ZPBP: variants seen among roughly 807,000 people sequenced by gnomAD.
ZPBP encodes the protein zona pellucida binding protein.
Under a neutral mutation model 44.8 loss-of-function variants are expected in ZPBP, and 26 were observed. The observed-to-expected ratio is 0.58, with a 90% CI of 0.43 to 0.81. ZPBP has a LOEUF of 0.81. Ranked by LOEUF, ZPBP falls within the 30% of genes least tolerant of loss-of-function variation. The pLI, the probability that ZPBP is intolerant of heterozygous loss-of-function variation, is 0.00. For missense variants in ZPBP, 409 were observed against 434.0 expected (o/e 0.94, Z 0.51); for synonymous variants, 174 against 153.2 (o/e 1.14, Z -1.00).
At chr7:50,021,081 T>C (rs768068634) in intron 5 of ZPBP, among the ~76,000 whole-genome samples, 7 of 152,018 alleles carry the variant, frequency 4.6e-5, no homozygotes, top group Non-Finnish European at 8.8e-5. Flanking sequence ...TCCATTACAA[T>C]ATTTTAAAAT....
rs182127700 is a variant in ZPBP, at chr7:49,899,863, T to C, written n.509+1255A>G. On this transcript the variant is annotated intron_variant and non_coding_transcript_variant, in intron 2 of 2. Transcript: ENST00000465922. ...ATTGACTACTTCATCAACAATAGCA[T>C]AATACACATTATTCTCAAGATGATA... Among the ~76,000 whole-genome samples, 39 of 152,064 alleles carry C rather than the reference T, an allele frequency of 2.6e-4. 1 individual carries two copies. Among genetic ancestry groups the C allele is most frequent in the Admixed American group, 2.2e-3 (33 of 15,266 alleles).
At chr7:49,896,282 A>G (rs1187755779) in intron 2 of ZPBP, among the ~76,000 whole-genome samples, 1 of 152,224 alleles carries the variant, frequency 6.6e-6, no homozygotes, top group African/African-American at 2.4e-5. Context: ...TGGAGGTTGC[A>G]GTGAGCTGAG....
At position 49,938,346 on chromosome 7, in the gene ZPBP, TGAG is replaced by T. The variant is rs574631916; in HGVS notation, c.962-727_962-725del. On this transcript the variant is annotated intron_variant, in intron 7 of 7. Transcript: ENST00000046087. ...TAATTCAGTTTGATCATCCCTAATA[TGAG>T]GATAATGAAATCATGAATTTGATTA... is the stretch of plus-strand genomic sequence containing the variant. Among the ~76,000 whole-genome samples the T allele has an allele frequency of 2.1e-4, 32 of 152,258 alleles. 1 individual carries two copies. The East Asian group carries it at 6.2e-3, about 29-fold the overall frequency.
intron 7 of ZPBP, among the ~76,000 whole-genome samples, chr7:49,979,514 T>A (rs562198971): frequency 6.4e-4 from 98 of 152,012 alleles, no homozygotes; most frequent in African/African-American, 2.2e-3. Flanking sequence ...TTGAGTGTAA[T>A]CATTACATGG....
At chr7:49,934,882 G>T (rs574335582), downstream of ZPBP, among the ~76,000 whole-genome samples, 1 of 152,196 alleles carries the variant, frequency 6.6e-6, no homozygotes, top group East Asian at 1.9e-4. Flanking sequence ...AATTATATTT[G>T]CCCTGGTAAC....
At chr7:49,924,078 G>A (rs1380411832) in intron 1 of ZPBP, among the ~76,000 whole-genome samples, 1 of 151,892 alleles carries the variant, frequency 6.6e-6, no homozygotes, top group African/African-American at 2.4e-5. Context: ...AGCCAAGATC[G>A]TGCCATTGCA....
At chr7:49,879,787 T>A (rs1791593099) in intron 2 of ZPBP, among the ~76,000 whole-genome samples, 1 of 152,150 alleles carries the variant, frequency 6.6e-6, no homozygotes, top group African/African-American at 2.4e-5. Flanking sequence ...AATTTTATTC[T>A]TATAATTTTA....
intron 7 of ZPBP, among the ~76,000 whole-genome samples, chr7:49,974,668 A>C (rs1298265935): frequency 6.6e-6 from 1 of 152,064 alleles, no homozygotes; most frequent in Non-Finnish European, 1.5e-5. Context: ...TAGGCAAACA[A>C]CACAGAAACA....
At chr7:49,856,477 T>C in intron 2 of ZPBP, among the ~76,000 whole-genome samples, 1 of 152,190 alleles carries the variant, frequency 6.6e-6, no homozygotes, top group African/African-American at 2.4e-5. Context: ...ATGAGCCAAA[T>C]ATACTTCTTT....
intron 2 of ZPBP, among the ~76,000 whole-genome samples, chr7:49,850,787 T>C (rs1790144184): frequency 6.6e-6 from 1 of 152,192 alleles, no homozygotes; most frequent in African/African-American, 2.4e-5. Flanking sequence ...ACATCATGGG[T>C]ACAGTGAGCT....
intron 1 of ZPBP, among the ~76,000 whole-genome samples, chr7:49,905,906 C>T (rs1793060908): frequency 6.6e-6 from 1 of 152,210 alleles, no homozygotes; most frequent in Non-Finnish European, 1.5e-5. Context: ...TGCTACACTC[C>T]CACCAGCACC....
intron 4 of ZPBP, among the ~76,000 whole-genome samples, chr7:50,056,833 G>A (rs764310620): frequency 1.3e-5 from 2 of 152,140 alleles, no homozygotes; most frequent in Non-Finnish European, 2.9e-5. Flanking sequence ...AGAGGGAGAT[G>A]GGGTAAAGTC....
chr7:49,983,033 G>T (rs938748022), intron 7 of ZPBP, among the ~76,000 whole-genome samples: 1 of 151,898 alleles, frequency 6.6e-6, no homozygotes, highest in Non-Finnish European at 1.5e-5. Flanking sequence ...GATTCTAAAA[G>T]ATATATTAAT....
intron 1 of ZPBP, chr7:49,921,327 A>G (rs1450927717): frequency 6.6e-6 from 1 of 152,240 alleles, no homozygotes; most frequent in Non-Finnish European, 1.5e-5. Context: ...GCCTTACTCC[A>G]TAGCTATAGA....
chr7:50,086,369 A>T (rs1166983324), intron 2 of ZPBP, among the ~76,000 whole-genome samples: 1 of 152,094 alleles, frequency 6.6e-6, no homozygotes, highest in Non-Finnish European at 1.5e-5. Flanking sequence ...AACAGACTCC[A>T]AGGAAGGCCA....
intron 6 of ZPBP, among the ~76,000 whole-genome samples, chr7:49,985,878 G>A (rs1004352866): frequency 1.3e-5 from 2 of 152,192 alleles, no homozygotes; most frequent in Admixed American, 1.3e-4. Context: ...GGGGATTCAT[G>A]CCTTAAGCAG....
intron 2 of ZPBP, among the ~76,000 whole-genome samples, chr7:49,897,463 CAGATATGCCAAAGTTGG>C (rs1792446652): frequency 6.6e-6 from 1 of 152,072 alleles, no homozygotes; most frequent in Non-Finnish European, 1.5e-5. Context: ...GAGTTTATTC[CAGATATGCCAAAGTTGG>C]CTTAGTACTC....
chr7:49,896,937 G>C (rs575800063), intron 2 of ZPBP, among the ~76,000 whole-genome samples: 37 of 137,628 alleles, frequency 2.7e-4, no homozygotes, highest in Non-Finnish European at 4.8e-4. Flanking sequence ...CGCCCAGGCC[G>C]GACTGCAGAC....
chr7:49,881,982 T>C (rs914349837), intron 2 of ZPBP, among the ~76,000 whole-genome samples: 10 of 152,102 alleles, frequency 6.6e-5, no homozygotes, highest in African/African-American at 2.2e-4. Flanking sequence ...TCGTATTATT[T>C]TATAAGCCTA....
Sources: gnomAD v4.1 joint callset for allele counts (sites outside exome capture counted in the v4.1 genomes callset) on GRCh38, gnomAD v4.1.1 for gene constraint, MANE v1.5 for transcripts, NCBI Gene and HGNC (gene_info 2026-07-23, HGNC 2026-07-21) for gene names.